The following PRKCE variants were observed in gnomAD, a reference collection of about 807,000 sequenced individuals.
PRKCE encodes protein kinase C epsilon, also known as protein kinase C epsilon type.
Under a neutral mutation model 85.4 loss-of-function variants are expected in PRKCE, and 16 were observed. The observed-to-expected ratio is 0.19, with a 90% CI of 0.13 to 0.28. The LOEUF (loss-of-function observed/expected upper bound fraction) is 0.28. Among genes scored for constraint, PRKCE ranks in the 10% least tolerant of loss-of-function variants. The pLI, the probability that PRKCE is intolerant of heterozygous loss-of-function variation, is 1.00. For synonymous variants in PRKCE, 388 were observed against 371.5 expected (o/e 1.04, Z -0.51); for missense variants, 573 against 975.2 (o/e 0.59, Z 5.49).
At chr2:46,015,715 G>GAAAAAAAA (rs1706080548) in intron 10 of PRKCE, among the ~76,000 whole-genome samples, 1 of 139,504 alleles carries the variant, frequency 7.2e-6, no homozygotes, top group Non-Finnish European at 1.5e-5. Context: ...AAAAAAAAAC[G>GAAAAAAAA]AAGTAAAAAT....
At chr2:45,894,837 C>T (rs779430300) in intron 2 of PRKCE, among the ~76,000 whole-genome samples, 1 of 152,154 alleles carries the variant, frequency 6.6e-6, no homozygotes, top group Non-Finnish European at 1.5e-5. Flanking sequence ...ATTCTCCTGC[C>T]CCAGCCTCCC....
At chr2:45,887,260 G>C (rs1351496717) in intron 2 of PRKCE, among the ~76,000 whole-genome samples, 3 of 152,114 alleles carry the variant, frequency 2.0e-5, no homozygotes, top group Non-Finnish European at 4.4e-5. Flanking sequence ...CGTGCAGAAG[G>C]CTTCCTACCT....
At chr2:45,963,605 G>A (rs143316766) in intron 2 of PRKCE, among the ~76,000 whole-genome samples, 16 of 152,076 alleles carry the variant, frequency 1.1e-4, no homozygotes, top group African/African-American at 3.6e-4. Context: ...TACCGCGCCC[G>A]GCCATCTTTA....
intron 1 of PRKCE, among the ~76,000 whole-genome samples, chr2:45,668,404 G>T (rs1676013007): frequency 1.3e-5 from 2 of 152,162 alleles, no homozygotes; most frequent in Admixed American, 1.3e-4. Flanking sequence ...AATTGTGGAT[G>T]ATGTGGTTTG....
intron 1 of PRKCE, among the ~76,000 whole-genome samples, chr2:45,706,052 A>G (rs1307862190): frequency 6.6e-6 from 1 of 152,096 alleles, no homozygotes; most frequent in Non-Finnish European, 1.5e-5. Context: ...AATTTTTTCT[A>G]TTGTTTGAGA....
chr2:45,865,425 T>C (rs900784306), intron 2 of PRKCE, among the ~76,000 whole-genome samples: 9 of 152,170 alleles, frequency 5.9e-5, no homozygotes, highest in Non-Finnish European at 1.5e-5. Context: ...GTTGAGAATA[T>C]CTCTCTTAAG....
chr2:45,838,693 G>A (rs948532000), intron 1 of PRKCE, among the ~76,000 whole-genome samples: 2 of 152,130 alleles, frequency 1.3e-5, no homozygotes, highest in African/African-American at 4.8e-5. Flanking sequence ...GCGCATTGCA[G>A]CCTGGATCTC....
At chr2:46,032,969 G>C (rs1558984522) in intron 10 of PRKCE, among the ~76,000 whole-genome samples, 1 of 152,174 alleles carries the variant, frequency 6.6e-6, no homozygotes, top group African/African-American at 2.4e-5. Context: ...GTAGCCGTCA[G>C]TGGTGCTTCT....
intron 7 of PRKCE, among the ~76,000 whole-genome samples, chr2:46,002,522 C>T (rs1423664097): frequency 1.3e-5 from 2 of 152,204 alleles, no homozygotes; most frequent in Non-Finnish European, 2.9e-5. Context: ...TGTTGCTTCT[C>T]TTGTATAGGA....
At chr2:45,670,476 G>T (rs576814290) in intron 1 of PRKCE, among the ~76,000 whole-genome samples, 2 of 152,096 alleles carry the variant, frequency 1.3e-5, no homozygotes, top group African/African-American at 4.8e-5. Flanking sequence ...TATGCAATAT[G>T]AATAAATATT....
chr2:46,157,052 A>G (rs568864536), intron 13 of PRKCE, among the ~76,000 whole-genome samples: 4 of 152,118 alleles, frequency 2.6e-5, no homozygotes, highest in African/African-American at 9.7e-5. Context: ...ACTCAGTGAG[A>G]TCTTGCAACA....
In PRKCE at chr2:46,138,347, A is replaced by C. The variant is rs1405825573; in HGVS notation, c.1593-6746A>C. Among the ~76,000 whole-genome samples the C allele has an allele frequency of 6.6e-6, 1 of 152,242 alleles. No homozygotes were observed. The highest frequency in any genetic ancestry group is 1.5e-5 in the Non-Finnish European group (1 of 68,044). ...CTGTCATTTTATCTAATAGGTGGTC[A>C]CGGGCAGTTATGTAGGGTCAGCCCA... On this transcript the variant is annotated intron_variant, in intron 11 of 14. Transcript: ENST00000306156. This position sits in a 1 kb window ranked among gnomAD's most constrained non-coding sequence, Gnocchi z 4.2.
At chr2:45,716,004 T>A (rs1680055426) in intron 1 of PRKCE, among the ~76,000 whole-genome samples, 2 of 152,198 alleles carry the variant, frequency 1.3e-5, no homozygotes, top group Admixed American at 1.3e-4. Flanking sequence ...AGCTGAGTCT[T>A]TCCTACTAAA....
At chr2:46,061,244 G>A (rs1487362506) in intron 10 of PRKCE, among the ~76,000 whole-genome samples, 4 of 151,476 alleles carry the variant, frequency 2.6e-5, no homozygotes, top group African/African-American at 9.7e-5. Context: ...TGAGTAGCTG[G>A]GACTACAGGT....
rs142648815 is a variant in PRKCE, at chr2:46,027,084, G to A, written c.1437+16567G>A. On this transcript the variant is annotated intron_variant, in intron 10 of 14. Transcript: ENST00000306156. The stretch of plus-strand genomic sequence containing the variant: ...CTCTGGAGGCTAAGGTGGGAGGATC[G>A]CTTGAGCCTAGGAAGTCAAGGCTGC... 2.6e-5 allele frequency among the ~76,000 whole-genome samples: 4 copies of A among 152,134 alleles called. No homozygotes were observed. In the East Asian group the frequency reaches 5.8e-4, roughly 22 times the overall value.
intron 2 of PRKCE, among the ~76,000 whole-genome samples, chr2:45,959,117 T>C (rs1342654213): frequency 6.6e-6 from 1 of 151,820 alleles, no homozygotes; most frequent in African/African-American, 2.4e-5. Flanking sequence ...GGGAGAATAA[T>C]ATCTTTTTAG....
intron 10 of PRKCE, among the ~76,000 whole-genome samples, chr2:46,018,592 A>T (rs1706370122): frequency 6.6e-6 from 1 of 152,260 alleles, no homozygotes; most frequent in South Asian, 2.1e-4. Context: ...TTTTAATCAC[A>T]AAGATTATTT....
chr2:46,108,256 C>A lies in PRKCE; in HGVS notation c.1592+21894C>A, dbSNP rs142028461. Among the ~76,000 whole-genome samples, 16 of 152,256 alleles carry A rather than the reference C, an allele frequency of 1.1e-4. No homozygotes were observed. The East Asian group carries it at 2.9e-3, about 28-fold the overall frequency. Reference sequence around the variant, plus strand: ...TTCTGTGTATATTCTGAATACAAATCCTTTATCAGATAAGTGTTTTTCAAA... The same window carrying A: ...TTCTGTGTATATTCTGAATACAAATACTTTATCAGATAAGTGTTTTTCAAA... On this transcript the variant is annotated intron_variant, in intron 11 of 14. Coordinates refer to ENST00000306156, the MANE Select transcript of PRKCE (RefSeq NM_005400.3).
intron 2 of PRKCE, among the ~76,000 whole-genome samples, chr2:45,913,906 T>C (rs1697562268): frequency 6.6e-6 from 1 of 152,216 alleles, no homozygotes; most frequent in African/African-American, 2.4e-5. Context: ...AACTGGAGTG[T>C]CTGTTCCTCA....
Sources: allele counts gnomAD v4.1 joint callset (sites outside exome capture counted in the v4.1 genomes callset), GRCh38; gene constraint gnomAD v4.1.1; non-coding constraint Gnocchi (gnomAD v3.1); transcripts MANE v1.5; gene names NCBI Gene and HGNC (gene_info 2026-07-23, HGNC 2026-07-21).